The following LUZP1 variants were observed in gnomAD, a reference collection of about 807,000 sequenced individuals.
LUZP1 encodes filamin mechanobinding actin cross-linking protein.
LUZP1 carries 25 observed loss-of-function variants against 71.3 expected under a neutral mutation model. That is an observed-to-expected ratio of 0.35 (90% CI 0.26 to 0.49). LUZP1 has a LOEUF of 0.49. Ranked by LOEUF, LUZP1 falls within the 20% of genes least tolerant of loss-of-function variation. The pLI, the probability that LUZP1 is intolerant of heterozygous loss-of-function variation, is 0.99. For missense variants in LUZP1, 1,142 were observed against 1,300.8 expected, an observed-to-expected ratio of 0.88 and a Z score of 1.88; for synonymous variants, 481 against 506.4, an observed-to-expected ratio of 0.95 and a Z score of 0.67.
At chr1:23,174,856 C>T (rs1028129412) in intron 1 of LUZP1, among the ~76,000 whole-genome samples, 2 of 152,116 alleles carry the variant, frequency 1.3e-5, no homozygotes, top group Non-Finnish European at 2.9e-5. Context: ...CTATCATCCC[C>T]AAAATGGCAT....
chr1:23,131,105 GC>G, intron 2 of LUZP1, among the ~76,000 whole-genome samples: 1 of 149,290 alleles, frequency 6.7e-6, no homozygotes, highest in South Asian at 2.1e-4. Context: ...TGTAATCCCA[GC>G]TACTTGGGAG....
At chr1:23,085,694 CA>C (rs1424171841) in exon 5 of LUZP1, 1 of 152,396 alleles carries the variant, frequency 6.6e-6, no homozygotes, top group African/African-American at 2.4e-5. Flanking sequence ...TATTTATGTG[CA>C]AGCTTGCCTA....
At chr1:23,119,421 G>C (rs570880115) in intron 2 of LUZP1, among the ~76,000 whole-genome samples, 1 of 152,118 alleles carries the variant, frequency 6.6e-6, no homozygotes, top group South Asian at 2.1e-4. Context: ...AAGCAAGTAT[G>C]ACAACTCAGA....
At chr1:23,089,040 T>A in exon 5 of LUZP1, 1 of 1,613,834 alleles carries the variant, frequency 6.2e-7, no homozygotes, top group African/African-American at 1.3e-5. Flanking sequence ...TGTACAGTCT[T>A]CCCCTTCTTC....
exon 4 of LUZP1, chr1:23,091,975 T>C (rs1643862477): frequency 1.9e-6 from 3 of 1,614,164 alleles, no homozygotes; most frequent in Admixed American, 1.7e-5. Flanking sequence ...TTCACATCCT[T>C]ATCAACAATA....
chr1:23,127,938 C>T (rs1423327424), intron 2 of LUZP1, among the ~76,000 whole-genome samples: 2 of 152,118 alleles, frequency 1.3e-5, no homozygotes, highest in Non-Finnish European at 2.9e-5. Flanking sequence ...CGAGACCAGC[C>T]TGACCAACAT....
In LUZP1 at chr1:23,099,868, G is replaced by A. The variant is rs149487912; in HGVS notation, c.-119-5488C>T. On this transcript the variant is annotated intron_variant, in intron 3 of 4. Transcript: ENST00000302291. ...GGATAAAGTCCAAATTCCCCATGAT[G>A]GCACCCAAAGCCCTTCATGATGTGG... is the stretch of plus-strand genomic sequence containing the variant. Among the ~76,000 whole-genome samples the A allele has an allele frequency of 4.5e-4, 68 of 152,266 alleles. No homozygotes were observed. In the East Asian group the frequency reaches 0.012, roughly 28 times the overall value.
intron 1 of LUZP1, among the ~76,000 whole-genome samples, chr1:23,173,350 C>CTTTTTTTTTTTT (rs869169060): frequency 1.1e-4 from 9 of 80,364 alleles, no homozygotes; most frequent in Non-Finnish European, 2.2e-4. Context: ...TTTGTTTTTT[C>CTTTTTTTTTTTT]TTTTTTTTTT....
At chr1:23,147,297 A>C (rs1020485756) in intron 2 of LUZP1, among the ~76,000 whole-genome samples, 1 of 145,788 alleles carries the variant, frequency 6.9e-6, no homozygotes, top group Non-Finnish European at 1.5e-5. Flanking sequence ...AAAAATTAGC[A>C]AGGCATGGTG....
At chr1:23,111,163 G>A (rs1485517330) in intron 2 of LUZP1, among the ~76,000 whole-genome samples, 1 of 143,256 alleles carries the variant, frequency 7.0e-6, no homozygotes, top group African/African-American at 2.6e-5. Flanking sequence ...TCGCGCCACT[G>A]CACTCCAGCC....
At chr1:23,134,410 A>G (rs1406052200) in intron 2 of LUZP1, among the ~76,000 whole-genome samples, 1 of 152,162 alleles carries the variant, frequency 6.6e-6, no homozygotes, top group South Asian at 2.1e-4. Flanking sequence ...TCAGCCCAGG[A>G]GATGGAGGCT....
intron 2 of LUZP1, among the ~76,000 whole-genome samples, chr1:23,121,809 T>C (rs9426687): frequency 0.59 from 89,119 of 151,936 alleles, 28,953 homozygotes; most frequent in African/African-American, 0.88. Flanking sequence ...GTCAGGAGTT[T>C]GAGACCAGCC....
chr1:23,094,118 C>T lies in LUZP1; in HGVS notation c.144G>A (p.Gln48=), dbSNP rs1202086012. The T allele has an allele frequency of 1.2e-6, 2 of 1,614,218 alleles. No individual in the cohort carries two copies. Among genetic ancestry groups the T allele is most frequent in the Non-Finnish European group, 1.7e-6 (2 of 1,180,042 alleles). ...TACCTTCTGCCTGAATCACCTTGTCCTGGAGATCCAGGAGTTCATCCTCTG... is the reference window on the plus strand; with the variant it reads ...TACCTTCTGCCTGAATCACCTTGTCTTGGAGATCCAGGAGTTCATCCTCTG... The change falls in exon 4 of 5, where the codon CAG becomes CAA. Residue 48 remains glutamine (Q), a synonymous_variant. Transcript: ENST00000302291. The surrounding 1 kb of genome is among the most constrained non-coding windows in gnomAD (Gnocchi z 4.7).
At chr1:23,164,266 C>T (rs996714218) in intron 2 of LUZP1, among the ~76,000 whole-genome samples, 20 of 152,062 alleles carry the variant, frequency 1.3e-4, no homozygotes, top group African/African-American at 2.9e-4. Flanking sequence ...GAGGCCGAAG[C>T]GGGCGGATCA....
exon 5 of LUZP1, chr1:23,089,012 T>C (rs1001076062): frequency 1.2e-6 from 2 of 1,614,140 alleles, no homozygotes; most frequent in African/African-American, 1.3e-5. Context: ...AGTTGTGCAG[T>C]TGCCTGTAGA....
chr1:23,169,971 T>TACACACACACAC (rs35087847), intron 1 of LUZP1, among the ~76,000 whole-genome samples: 34 of 149,322 alleles, frequency 2.3e-4, no homozygotes, highest in Admixed American at 1.3e-3. Flanking sequence ...TTCCTACCTT[T>TACACACACACAC]ACACACACAC....
chr1:23,174,723 T>C (rs1379847222), intron 1 of LUZP1, among the ~76,000 whole-genome samples: 2 of 151,958 alleles, frequency 1.3e-5, no homozygotes, highest in East Asian at 3.9e-4. Context: ...CAAGCTGGAG[T>C]TGGCTCACTT....
rs1644422757 is a variant in LUZP1 at position 23,156,685 on chromosome 1, G to A, written c.-226+12081C>T. ...TGAAAACAAGTGCTGTTATTCAATG[G>A]CGCCATCTTGGGAGGTAAGACCTTC... On this transcript the variant is annotated intron_variant, in intron 2 of 4. Coordinates refer to ENST00000302291, the Ensembl canonical transcript of LUZP1. 1.3e-5 allele frequency among the ~76,000 whole-genome samples: 2 copies of A among 151,918 alleles called. 1 individual carries two copies. The highest frequency in any genetic ancestry group is 4.2e-4 in the South Asian group (2 of 4,814).
intron 2 of LUZP1, among the ~76,000 whole-genome samples, chr1:23,134,872 G>T (rs1644241993): frequency 6.6e-6 from 1 of 152,096 alleles, no homozygotes; most frequent in Non-Finnish European, 1.5e-5. Context: ...GAATGCGCAG[G>T]TTGGTTACAC....
Sources: allele counts gnomAD v4.1 joint callset (sites outside exome capture counted in the v4.1 genomes callset), GRCh38; gene constraint gnomAD v4.1.1; non-coding constraint Gnocchi (gnomAD v3.1); transcripts MANE v1.5; gene names NCBI Gene and HGNC (gene_info 2026-07-23, HGNC 2026-07-21).